MAEA: variants seen among roughly 807,000 people sequenced by gnomAD.
MAEA encodes macrophage erythroblast attacher, E3 ubiquitin ligase, also known as E3 ubiquitin-protein transferase MAEA.
Under a neutral mutation model 46.2 loss-of-function variants are expected in MAEA, and 22 were observed. That is an observed-to-expected ratio of 0.48 (90% CI 0.34 to 0.68). The LOEUF (loss-of-function observed/expected upper bound fraction) is 0.68. MAEA is among the 30% of genes least tolerant of loss of function. The probability of loss-of-function intolerance (pLI) is 0.01; values close to 1 mark genes in which losing one functional copy is unlikely to be tolerated. For synonymous variants in MAEA, 246 were observed against 222.6 expected (o/e 1.11, Z -0.94); for missense variants, 393 against 558.1 (o/e 0.70, Z 2.98).
At chr4:1,329,708 C>T in intron 5 of MAEA, 5 of 985,818 alleles carry the variant, frequency 5.1e-6, no homozygotes, top group Non-Finnish European at 3.6e-6. Flanking sequence ...GCTGGGGTGG[C>T]AGGTGGGGCA....
chr4:1,339,462 G>A lies in MAEA; in HGVS notation c.*293G>A, dbSNP rs1184874175. The A allele has an allele frequency of 1.7e-5, 7 of 414,698 alleles. No homozygotes were observed. The highest frequency in any genetic ancestry group is 8.3e-5 in the Admixed American group (2 of 23,976). The allele number at this position is 414,698 out of a possible 1,614,324, so 25.7% of individuals were successfully genotyped here. ...TTAAAGACTGACCTAAACACCGAGG[G>A]AAACTTAAGAACGTTTAAAATATAG... On this transcript the variant is annotated 3_prime_UTR_variant, in exon 9 of 9. Coordinates refer to ENST00000303400, the MANE Select transcript of MAEA (RefSeq NM_001017405.3).
chr4:1,303,911 G>T (rs1308522036), intron 1 of MAEA, among the ~76,000 whole-genome samples: 3 of 135,700 alleles, frequency 2.2e-5, no homozygotes, highest in South Asian at 2.3e-4. Flanking sequence ...CAGGGTGGGG[G>T]TCGGGCAGGG....
intron 1 of MAEA, among the ~76,000 whole-genome samples, chr4:1,294,440 T>G (rs73069982): frequency 0.15 from 23,332 of 152,090 alleles, 3,439 homozygotes; most frequent in East Asian, 0.42. Flanking sequence ...GTCAAGAAAG[T>G]GCTTTTTAAT....
chr4:1,324,864 G>T (rs1020381799), intron 4 of MAEA, among the ~76,000 whole-genome samples: 2 of 149,534 alleles, frequency 1.3e-5, no homozygotes, highest in African/African-American at 5.0e-5. Context: ...GTTGAGATTG[G>T]ATGAGCGTGC....
intron 1 of MAEA, chr4:1,297,954 A>G (rs1734925179): frequency 2.2e-6 from 1 of 455,012 alleles, no homozygotes; most frequent in Non-Finnish European, 4.4e-6. Context: ...CCATTGTTCT[A>G]GAACATTCCA....
chr4:1,314,652 A>G lies in MAEA; in HGVS notation c.253-745A>G, dbSNP rs1350126880. On this transcript the variant is annotated intron_variant, in intron 2 of 8. Coordinates refer to ENST00000303400, the MANE Select transcript of MAEA (RefSeq NM_001017405.3). ...ACCACCAGGTCAGAATCCGACACAG[A>G]GTAAGTGAAAATAAACCGACATGGG... Among the ~76,000 whole-genome samples the G allele has an allele frequency of 3.9e-5, 6 of 152,258 alleles. No individual in the cohort carries two copies. In the East Asian group the frequency reaches 1.2e-3, roughly 29 times the overall value.
chr4:1,296,852 GCT>G (rs1005856215), intron 1 of MAEA, among the ~76,000 whole-genome samples: 4 of 152,082 alleles, frequency 2.6e-5, no homozygotes, highest in Admixed American at 2.6e-4. Context: ...CATCCTCTGG[GCT>G]CTCCCCACCC....
chr4:1,332,697 C>A, intron 5 of MAEA, 60 bp from the exon 6 acceptor site: 1 of 1,342,750 alleles, frequency 7.4e-7, no homozygotes, highest in South Asian at 1.3e-5. Flanking sequence ...GAGTGAAACC[C>A]TGTCTCTAAA....
intron 4 of MAEA, among the ~76,000 whole-genome samples, chr4:1,324,758 G>C (rs1738588447): frequency 6.9e-6 from 1 of 145,400 alleles, no homozygotes; most frequent in Admixed American, 7.0e-5. Context: ...TGGATGCCTG[G>C]TGGATGAGTG....
chr4:1,295,778 C>T (rs112613444), intron 1 of MAEA, among the ~76,000 whole-genome samples: 26 of 86,786 alleles, frequency 3.0e-4, no homozygotes, highest in South Asian at 4.8e-4. Context: ...GCCCCCCTCA[C>T]CCGCGCCTGT....
chr4:1,333,004 C>G, intron 6 of MAEA, 139 bp downstream of exon 6: 1 of 589,820 alleles, frequency 1.7e-6, no homozygotes, highest in Non-Finnish European at 3.0e-6. Flanking sequence ...CCTGCCAAGA[C>G]AAGCTTTTCT....
intron 3 of MAEA, among the ~76,000 whole-genome samples, chr4:1,316,917 C>G (rs894625835): frequency 9.9e-5 from 15 of 151,240 alleles, no homozygotes; most frequent in Non-Finnish European, 5.9e-5. Flanking sequence ...GCACTCCAGA[C>G]TCACCCCCAG....
At chr4:1,335,312 T>A (rs1712603533) in intron 6 of MAEA, 2 of 985,388 alleles carry the variant, frequency 2.0e-6, no homozygotes, top group African/African-American at 1.7e-5. Context: ...GTCTATTTTT[T>A]GTCACAGTGC....
In MAEA at chr4:1,310,206, G is replaced by A. The variant is rs149230352; in HGVS notation, c.70-1773G>A. ...GGTCTCCAGTGGGAGAGTCCTGCAG[G>A]CCGGTGTCGGGCTGTGGTGTCAGGG... is the stretch of plus-strand genomic sequence containing the variant. On this transcript the variant is annotated intron_variant, in intron 1 of 8. Transcript: ENST00000303400. Among the ~76,000 whole-genome samples the A allele has an allele frequency of 9.6e-3, 1,464 of 152,346 alleles. 19 individuals are homozygous for A. Among genetic ancestry groups the A allele is most frequent in the Middle Eastern group, 0.02 (6 of 294 alleles).
chr4:1,294,247 G>C (rs1022080258), intron 1 of MAEA, among the ~76,000 whole-genome samples: 1 of 152,242 alleles, frequency 6.6e-6, no homozygotes, highest in Non-Finnish European at 1.5e-5. Flanking sequence ...ACCGTTTGCT[G>C]GTGGTTTGGC....
At position 1,329,427 on chromosome 4, in the gene MAEA, C is replaced by T. The variant is rs181937391; in HGVS notation, c.656+1724C>T. ...GCCGAGCTCAGAGCTGTGCCCTCTG[C>T]GGCCTCGTCTGTTGCAGGGGAGCAG... On this transcript the variant is annotated intron_variant, in intron 5 of 8. Coordinates refer to ENST00000303400, the MANE Select transcript of MAEA (RefSeq NM_001017405.3). The T allele has an allele frequency of 1.2e-3, 1,160 of 985,432 alleles. 1 individual carries two copies. Among genetic ancestry groups the T allele is most frequent in the Admixed American group, 2.3e-3 (37 of 16,286 alleles). The allele number at this position is 985,432 out of a possible 1,614,324, so 61.0% of individuals were successfully genotyped here. A position where few individuals can be genotyped will look rare whatever the true frequency, so the allele number is the denominator to read the frequency against.
intron 1 of MAEA, chr4:1,297,902 A>G (rs980050076): frequency 1.6e-5 from 7 of 435,402 alleles, no homozygotes; most frequent in Non-Finnish European, 2.8e-5. Context: ...CCTTGCCTCC[A>G]CCCCTCGCGA....
chr4:1,291,095 C>T (rs1734062105), intron 1 of MAEA, among the ~76,000 whole-genome samples: 1 of 152,146 alleles, frequency 6.6e-6, no homozygotes, highest in Admixed American at 6.5e-5. Flanking sequence ...TCAGGCTGTA[C>T]CCTGCTGTAG....
intron 3 of MAEA, 46 bp downstream of exon 3, chr4:1,315,646 G>A (rs1435704105): frequency 6.3e-7 from 1 of 1,598,370 alleles, no homozygotes; most frequent in Non-Finnish European, 8.6e-7. Flanking sequence ...CTGGCCCCAG[G>A]CCTATGGCCA....
Sources: gnomAD v4.1 joint callset for allele counts (sites outside exome capture counted in the v4.1 genomes callset) on GRCh38, gnomAD v4.1.1 for gene constraint, MANE v1.5 for transcripts, NCBI Gene and HGNC (gene_info 2026-07-23, HGNC 2026-07-21) for gene names.